The following VWA3B variants were observed in gnomAD, a reference collection of about 807,000 sequenced individuals.
VWA3B encodes von Willebrand factor A domain containing 3B.
A neutral mutation model predicts 158.3 loss-of-function variants in VWA3B; 138 were observed. That is an observed-to-expected ratio of 0.87 (90% CI 0.76 to 1.00). The LOEUF is 1.00. Ranked by LOEUF, VWA3B falls within the 50% of genes least tolerant of loss-of-function variation. The pLI, the probability that VWA3B is intolerant of heterozygous loss-of-function variation, is 0.00. For missense variants in VWA3B, 1,555 were observed against 1,565.1 expected (o/e 0.99, Z 0.11); for synonymous variants, 596 against 587.3 (o/e 1.01, Z -0.21).
chr2:98,133,935 T>C lies in VWA3B; in HGVS notation c.984T>C (p.Pro328=), dbSNP rs760489770. ...WNSRKLKGKL[P]PGAGVREDVF... is the part of the protein sequence containing the mutation. Reference sequence around the variant, plus strand: ...CAAGGAAACTGAAAGGAAAACTCCCTCCAGGTACCTGGAATCCAAAAGAAG... The same window carrying C: ...CAAGGAAACTGAAAGGAAAACTCCCCCCAGGTACCTGGAATCCAAAAGAAG... The change falls in exon 7 of 28, where the codon CCT becomes CCC. Residue 328 remains proline, a synonymous_variant. Transcript: ENST00000477737. 2.5e-6 allele frequency: 4 copies of C among 1,613,860 alleles called. No individual in the cohort carries two copies. The South Asian group carries it at 4.4e-5, about 18-fold the overall frequency.
chr2:98,236,326 C>A, intron 17 of VWA3B, 64 bp from the exon 18 acceptor site: 1 of 1,557,632 alleles, frequency 6.4e-7, no homozygotes, highest in Middle Eastern at 1.7e-4. Context: ...AGCGTGATCC[C>A]TTTGCATTTT....
At chr2:98,142,739 C>G (rs1390043721) in intron 7 of VWA3B, among the ~76,000 whole-genome samples, 2 of 152,144 alleles carry the variant, frequency 1.3e-5, no homozygotes, top group African/African-American at 4.8e-5. Flanking sequence ...TAATTAGTTA[C>G]TCTGTTTTTT....
At chr2:98,255,072 G>A (rs1687029361) in intron 20 of VWA3B, among the ~76,000 whole-genome samples, 1 of 151,416 alleles carries the variant, frequency 6.6e-6, no homozygotes, top group Non-Finnish European at 1.5e-5. Flanking sequence ...GGAGTGCAGT[G>A]GCGTGATCTC....
intron 20 of VWA3B, 95 bp downstream of exon 20, chr2:98,250,531 T>TA: frequency 1.1e-6 from 1 of 950,698 alleles, no homozygotes; most frequent in Non-Finnish European, 1.5e-6. Flanking sequence ...TTTTTTTTTT[T>TA]AATGAAGCAG....
At chr2:98,246,141 A>G (rs1686380384) in intron 19 of VWA3B, among the ~76,000 whole-genome samples, 1 of 152,152 alleles carries the variant, frequency 6.6e-6, no homozygotes, top group African/African-American at 2.4e-5. Context: ...GAAACAATAC[A>G]GTAAAAAGTA....
rs555343871 is a variant in VWA3B at position 98,125,108 on chromosome 2, G to A, written c.703-3131G>A. 2.6e-5 allele frequency among the ~76,000 whole-genome samples: 4 copies of A among 152,350 alleles called. No homozygotes were observed. In the East Asian group the frequency reaches 7.7e-4, roughly 29 times the overall value. On this transcript the variant is annotated intron_variant, in intron 5 of 27. Transcript: ENST00000477737. This position sits in a 1 kb window ranked among gnomAD's most constrained non-coding sequence, Gnocchi z 4.1. ...AAGGCTGCTACTGAGCCTCAGGACT[G>A]GACTTTGCCTTCAAGGAGCTCAAAG... is the stretch of plus-strand genomic sequence containing the variant.
intron 19 of VWA3B, among the ~76,000 whole-genome samples, chr2:98,244,777 A>G (rs1034026977): frequency 6.6e-6 from 1 of 152,326 alleles, no homozygotes; most frequent in African/African-American, 2.4e-5. Context: ...ATTGAATAAG[A>G]AATTATGTAG....
At chr2:98,134,514 A>G (rs1676117455) in intron 7 of VWA3B, among the ~76,000 whole-genome samples, 1 of 152,178 alleles carries the variant, frequency 6.6e-6, no homozygotes, top group African/African-American at 2.4e-5. Context: ...AAAACAGTGG[A>G]AGGTTACTCA....
At chr2:98,241,145 C>T (rs1416902455) in intron 19 of VWA3B, among the ~76,000 whole-genome samples, 1 of 151,996 alleles carries the variant, frequency 6.6e-6, no homozygotes, top group African/African-American at 2.4e-5. Context: ...CTAGTGGCAT[C>T]GGAGTTCAGA....
intron 16 of VWA3B, among the ~76,000 whole-genome samples, chr2:98,231,962 TC>T (rs1685363712): frequency 6.6e-6 from 1 of 152,202 alleles, no homozygotes; most frequent in Non-Finnish European, 1.5e-5. Flanking sequence ...TTTTAATTTT[TC>T]TTTTTTAACA....
chr2:98,307,207 A>G (rs1214102781), intron 26 of VWA3B, among the ~76,000 whole-genome samples: 2 of 152,220 alleles, frequency 1.3e-5, no homozygotes, highest in Non-Finnish European at 2.9e-5. Flanking sequence ...GGCCATTTTT[A>G]TACTTTCTGC....
At chr2:98,203,053 G>A (rs553587451) in intron 12 of VWA3B, among the ~76,000 whole-genome samples, 6 of 152,146 alleles carry the variant, frequency 3.9e-5, no homozygotes, top group Non-Finnish European at 7.3e-5. Flanking sequence ...GGATGTTCTC[G>A]ATTTCCTGAC....
chr2:98,253,755 AG>A (rs2105813619), intron 20 of VWA3B, among the ~76,000 whole-genome samples: 1 of 152,244 alleles, frequency 6.6e-6, no homozygotes, highest in South Asian at 2.1e-4. Flanking sequence ...AGATACAGAA[AG>A]TTGGTGAATG....
intron 22 of VWA3B, among the ~76,000 whole-genome samples, chr2:98,281,966 A>G (rs1436051180): frequency 6.6e-6 from 1 of 151,984 alleles, no homozygotes; most frequent in South Asian, 2.1e-4. Flanking sequence ...GACTTTCATC[A>G]CCCATGGGTT....
chr2:98,161,038 C>T (rs1490328482), intron 7 of VWA3B, among the ~76,000 whole-genome samples: 1 of 152,178 alleles, frequency 6.6e-6, no homozygotes, highest in Non-Finnish European at 1.5e-5. Flanking sequence ...TAGGATCAGT[C>T]CTTTGGCCCC....
chr2:98,106,257 A>G (rs1030788037), intron 2 of VWA3B, among the ~76,000 whole-genome samples: 3 of 152,024 alleles, frequency 2.0e-5, no homozygotes, highest in African/African-American at 4.8e-5. Flanking sequence ...TTCTCTGTCA[A>G]TATCACACAG....
intron 22 of VWA3B, among the ~76,000 whole-genome samples, chr2:98,284,575 T>C (rs1689059606): frequency 6.6e-6 from 1 of 152,242 alleles, no homozygotes; most frequent in African/African-American, 2.4e-5. Flanking sequence ...GCATTGAATA[T>C]TTTATTTATG....
intron 20 of VWA3B, among the ~76,000 whole-genome samples, chr2:98,252,479 G>A (rs1175671155): frequency 3.3e-5 from 5 of 152,054 alleles, no homozygotes; most frequent in African/African-American, 4.8e-5. Flanking sequence ...ATAGAGCTTC[G>A]TGGTCAGATG....
intron 12 of VWA3B, among the ~76,000 whole-genome samples, chr2:98,199,739 A>G (rs1682372518): frequency 6.6e-6 from 1 of 152,218 alleles, no homozygotes; most frequent in Non-Finnish European, 1.5e-5. Flanking sequence ...TGTTCCCTAT[A>G]TATACATCTT....
Sources: gnomAD v4.1 joint callset for allele counts (sites outside exome capture counted in the v4.1 genomes callset) on GRCh38, gnomAD v4.1.1 for gene constraint, Gnocchi (gnomAD v3.1) non-coding constraint, MANE v1.5 for transcripts, NCBI Gene and HGNC (gene_info 2026-07-23, HGNC 2026-07-21) for gene names.